VPS53: variants seen among roughly 807,000 people sequenced by gnomAD.
VPS53 encodes the protein vacuolar protein sorting-associated protein 53 homolog.
Under a neutral mutation model 107.0 loss-of-function variants are expected in VPS53, and 70 were observed. The ratio of observed to expected loss-of-function variants is 0.65; its 90% CI spans 0.54 to 0.80. The LOEUF (loss-of-function observed/expected upper bound fraction) is 0.80. Ranked by LOEUF, VPS53 falls within the 30% of genes least tolerant of loss-of-function variation. The pLI, the probability that VPS53 is intolerant of heterozygous loss-of-function variation, is 0.00. For missense variants in VPS53, 917 were observed against 1,049.4 expected (o/e 0.87, Z 1.74); for synonymous variants, 409 against 393.3 (o/e 1.04, Z -0.47).
chr17:583,521 C>T (rs544868466), intron 13 of VPS53, among the ~76,000 whole-genome samples: 1 of 151,954 alleles, frequency 6.6e-6, no homozygotes, highest in African/African-American at 2.4e-5. Flanking sequence ...TCAATACATT[C>T]CCAGAGAACT....
intron 7 of VPS53, among the ~76,000 whole-genome samples, chr17:647,643 A>G (rs941248444): frequency 2.0e-5 from 3 of 152,090 alleles, no homozygotes; most frequent in African/African-American, 7.2e-5. Flanking sequence ...CCAGTCTGAT[A>G]AGGTGATCAG....
intron 15 of VPS53, among the ~76,000 whole-genome samples, chr17:559,299 G>A (rs1375510389): frequency 1.3e-5 from 2 of 151,982 alleles, no homozygotes; most frequent in Non-Finnish European, 1.5e-5. Flanking sequence ...TAAATACTAC[G>A]GTTATTTTAC....
chr17:709,093 C>G (rs1973531456), intron 2 of VPS53, among the ~76,000 whole-genome samples: 1 of 152,160 alleles, frequency 6.6e-6, no homozygotes, highest in African/African-American at 2.4e-5. Context: ...TAGAGGGAAC[C>G]ACCTCACAGA....
In VPS53 at chr17:627,218, C is replaced by G; in HGVS notation, c.930G>C (p.Trp310Cys). The change falls in exon 10 of 22, where the codon TGG becomes TGC. Residue 310 changes from tryptophan (W) to cysteine (C), a missense_variant. Trp to Cys is a radical substitution (Grantham distance 215). Coordinates refer to ENST00000437048, the MANE Select transcript of VPS53 (RefSeq NM_001128159.3). ...EKYGRMFPRE[W>C]CMAERIAVEF... ...CCACCGCAATCCTCTCAGCCATGCA[C>G]CACTCACGTGGAAACATGCGGCCGT... 3 of 1,614,112 alleles carry G rather than the reference C, an allele frequency of 1.9e-6. No homozygotes were observed. Among genetic ancestry groups the G allele is most frequent in the Non-Finnish European group, 1.7e-6 (2 of 1,180,028 alleles).
At chr17:633,380 CCTTAAAAGAGCACA>C (rs1314433959) in intron 7 of VPS53, among the ~76,000 whole-genome samples, 6 of 152,162 alleles carry the variant, frequency 3.9e-5, no homozygotes, top group African/African-American at 1.4e-4. Flanking sequence ...GCTAAAAATG[CCTTAAAAGAGCACA>C]CTTCCATTCT....
intron 18 of VPS53, among the ~76,000 whole-genome samples, chr17:533,148 T>C (rs1379544945): frequency 6.6e-6 from 1 of 152,190 alleles, no homozygotes; most frequent in African/African-American, 2.4e-5. Flanking sequence ...CCCAGTGAAC[T>C]CTAACTATTC....
At chr17:703,590 T>C (rs1282601738) in intron 2 of VPS53, among the ~76,000 whole-genome samples, 1 of 152,180 alleles carries the variant, frequency 6.6e-6, no homozygotes. Flanking sequence ...TTAGTTATAA[T>C]GTGGTTGTAC....
Position 514,800 on chromosome 17 carries a change from AGAG to A in VPS53, c.*4325_*4327del, listed in dbSNP as rs1488102708. The A allele has an allele frequency of 1.4e-4, 22 of 152,222 alleles. No individual in the cohort carries two copies. Among genetic ancestry groups the A allele is most frequent in the African/African-American group, 5.1e-4 (21 of 41,392 alleles). The allele number at this position is 152,222 out of a possible 1,614,324, so 9.4% of individuals were successfully genotyped here. A position where few individuals can be genotyped will look rare whatever the true frequency, so the allele number is the denominator to read the frequency against. Reference sequence around the variant, plus strand: ...GCTCTCAGTCCTGTCTGATCTGCACAGAGGAGCCACCCTAGACATAAGAAATCA... The same window carrying A: ...GCTCTCAGTCCTGTCTGATCTGCACAGAGCCACCCTAGACATAAGAAATCA... On this transcript the variant is annotated 3_prime_UTR_variant, in exon 22 of 22. Transcript: ENST00000437048.
chr17:662,834 A>AAGGAAGG lies in VPS53; in HGVS notation c.286-940_286-939insCCTTCCT, dbSNP rs1567720030. ...AAAAGAAAGAAAGAGAAAGAGAAAG[A>AAGGAAGG]AAGGAAGGAAGGAAGGAAGGAAGGA... On this transcript the variant is annotated intron_variant, in intron 4 of 21. Coordinates refer to ENST00000437048, the MANE Select transcript of VPS53 (RefSeq NM_001128159.3). Among the ~76,000 whole-genome samples the AAGGAAGG allele has an allele frequency of 1.3e-3, 160 of 121,158 alleles. 2 individuals carry two copies. The highest frequency in any genetic ancestry group is 4.5e-3 in the African/African-American group (155 of 34,188). The allele number at this position is 121,158 out of a possible 152,430, so 79.5% of individuals were successfully genotyped here.
chr17:586,417 T>A (rs1428723446), intron 12 of VPS53, 53 bp from the exon 13 acceptor site: 1 of 1,552,876 alleles, frequency 6.4e-7, no homozygotes, highest in African/African-American at 1.4e-5. Context: ...TTGCAAATGT[T>A]CAAGAATTTT....
chr17:674,064 T>C (rs546448754), intron 4 of VPS53: 6 of 152,372 alleles, frequency 3.9e-5, no homozygotes, highest in South Asian at 2.1e-4. Context: ...GATGCGTTCA[T>C]GCAGCTTCCT....
chr17:525,125 T>C (rs1041218420), intron 19 of VPS53, among the ~76,000 whole-genome samples: 2 of 152,200 alleles, frequency 1.3e-5, no homozygotes, highest in African/African-American at 4.8e-5. Context: ...ACAGCATGCA[T>C]TAACATGCAT....
intron 14 of VPS53, 74 bp from the exon 15 acceptor site, chr17:560,647 T>G: frequency 6.5e-7 from 1 of 1,542,336 alleles, no homozygotes. Context: ...TACATTATTT[T>G]AAGATACAGA....
At chr17:594,605 CG>C (rs1313304693) in intron 12 of VPS53, among the ~76,000 whole-genome samples, 4 of 146,266 alleles carry the variant, frequency 2.7e-5, no homozygotes, top group African/African-American at 5.1e-5. Context: ...TCTAGTGCCC[CG>C]CCCTGGAGGA....
At chr17:603,813 G>T (rs1968433288) in intron 11 of VPS53, among the ~76,000 whole-genome samples, 1 of 152,168 alleles carries the variant, frequency 6.6e-6, no homozygotes, top group South Asian at 2.1e-4. Flanking sequence ...CTTAAGGGCT[G>T]CTGATATTTT....
At chr17:597,259 A>G (rs1968018633) in intron 12 of VPS53, among the ~76,000 whole-genome samples, 1 of 152,182 alleles carries the variant, frequency 6.6e-6, no homozygotes, top group African/African-American at 2.4e-5. Context: ...GGTCACCCAC[A>G]GAGCCGGCAG....
rs77446426 is a variant in VPS53 at position 618,741 on chromosome 17, G to A, written c.1116+4792C>T. 2.0e-4 allele frequency among the ~76,000 whole-genome samples: 30 copies of A among 149,748 alleles called. 1 individual carries two copies. The highest frequency in any genetic ancestry group is 1.4e-3 in the Admixed American group (21 of 15,096). On this transcript the variant is annotated intron_variant, in intron 11 of 21. Transcript: ENST00000437048. ...TTCCTGGGTAGCTGGGACTACAGGC[G>A]TGCACCACCATGCCCCGCTAATATT...
At chr17:655,626 G>C (rs1487136277) in intron 6 of VPS53, among the ~76,000 whole-genome samples, 3 of 152,164 alleles carry the variant, frequency 2.0e-5, no homozygotes, top group African/African-American at 7.2e-5. Context: ...AAGGCTTCTG[G>C]GGTCCCCTTT....
chr17:566,257 A>C (rs2151858307), intron 13 of VPS53, among the ~76,000 whole-genome samples: 1 of 151,490 alleles, frequency 6.6e-6, no homozygotes, highest in South Asian at 2.1e-4. Context: ...ATCCTGGGCC[A>C]CGGTAGGCAA....
Sources: allele counts gnomAD v4.1 joint callset (sites outside exome capture counted in the v4.1 genomes callset), GRCh38; gene constraint gnomAD v4.1.1; transcripts MANE v1.5; gene names NCBI Gene and HGNC (gene_info 2026-07-23, HGNC 2026-07-21).